The following SEC24A variants were observed in gnomAD, a reference collection of about 807,000 sequenced individuals.
SEC24A encodes SEC24 homolog A, COPII component, also known as protein transport protein Sec24A.
SEC24A carries 93 observed loss-of-function variants against 129.4 expected under a neutral mutation model. The ratio of observed to expected loss-of-function variants is 0.72; its 90% confidence interval spans 0.61 to 0.85. SEC24A has a LOEUF of 0.85. SEC24A is among the 40% of genes least tolerant of loss of function. The probability of loss-of-function intolerance (pLI) is 0.00; values close to 1 mark genes in which losing one functional copy is unlikely to be tolerated. For synonymous variants in SEC24A, 460 were observed against 467.3 expected, an observed-to-expected ratio of 0.98 and a Z score of 0.20; for missense variants, 1,264 against 1,307.4, an observed-to-expected ratio of 0.97 and a Z score of 0.51.
intron 13 of SEC24A, 95 bp downstream of exon 13, chr5:134,694,028 G>T (rs1460633253): frequency 5.0e-6 from 5 of 1,002,566 alleles, no homozygotes; most frequent in East Asian, 5.0e-5. Flanking sequence ...TTTGTCAATT[G>T]TTGGGAGGAG....
At chr5:134,662,886 T>A (rs1413063316) in intron 2 of SEC24A, among the ~76,000 whole-genome samples, 1 of 152,180 alleles carries the variant, frequency 6.6e-6, no homozygotes, top group East Asian at 1.9e-4. Context: ...TGGTCCCAGC[T>A]ACTCGGGGGG....
chr5:134,651,358 G>C (rs1220907673), intron 1 of SEC24A, among the ~76,000 whole-genome samples: 1 of 148,956 alleles, frequency 6.7e-6, no homozygotes, highest in Non-Finnish European at 1.5e-5. Context: ...ACAATGGCTC[G>C]ATCTCGGCTC....
At position 134,674,744 on chromosome 5, in the gene SEC24A, ATTAC is replaced by A. The variant is rs754889540; in HGVS notation, c.948_951del (p.Tyr317GlnfsTer12). The A allele has an allele frequency of 3.1e-6, 5 of 1,613,802 alleles. No individual in the cohort carries two copies. Among genetic ancestry groups the A allele is most frequent in the Non-Finnish European group, 4.2e-6 (5 of 1,179,878 alleles). On this transcript the variant is annotated frameshift_variant, in exon 5 of 23. Coordinates refer to ENST00000398844, the MANE Select transcript of SEC24A (RefSeq NM_021982.3). LOFTEE classifies it high-confidence loss of function. ...ACTGGAGTACCACCCTCTTCCTTGA[ATTAC>A]CCAAGTGGGCCACAAGCCTTTACTC... is the stretch of plus-strand genomic sequence containing the variant.
At chr5:134,699,475 T>G (rs1751935161) in intron 15 of SEC24A, among the ~76,000 whole-genome samples, 2 of 151,414 alleles carry the variant, frequency 1.3e-5, no homozygotes, top group Non-Finnish European at 2.9e-5. Context: ...ATTTTTTGTA[T>G]TTTTTAGTAG....
chr5:134,711,756 CTT>C (rs1357207207), intron 18 of SEC24A, among the ~76,000 whole-genome samples: 3 of 136,530 alleles, frequency 2.2e-5, no homozygotes, highest in Admixed American at 1.5e-4. Context: ...GTTTTGAACT[CTT>C]TTTTTTTGAG....
intron 10 of SEC24A, among the ~76,000 whole-genome samples, chr5:134,687,282 A>G (rs536608733): frequency 1.8e-4 from 28 of 152,332 alleles, no homozygotes; most frequent in Middle Eastern, 6.8e-3. Context: ...CTATAATACT[A>G]AAGTATTAAG....
chr5:134,706,299 C>T (rs764997616), intron 17 of SEC24A, among the ~76,000 whole-genome samples: 4 of 152,162 alleles, frequency 2.6e-5, no homozygotes, highest in Non-Finnish European at 5.9e-5. Flanking sequence ...GATTGAAAAC[C>T]AGTTTACCAC....
At chr5:134,705,937 G>A (rs561486976) in intron 17 of SEC24A, among the ~76,000 whole-genome samples, 62 of 150,786 alleles carry the variant, frequency 4.1e-4, no homozygotes, top group African/African-American at 1.4e-3. Flanking sequence ...GCCCAGGCTG[G>A]AGTGTAATGG....
chr5:134,673,181 G>A (rs944261749), intron 4 of SEC24A, among the ~76,000 whole-genome samples: 10 of 149,892 alleles, frequency 6.7e-5, no homozygotes, highest in Non-Finnish European at 1.5e-4. Context: ...TCAGCTTCCC[G>A]AGTAGCTGGG....
chr5:134,655,793 A>C (rs1360917796), intron 1 of SEC24A, among the ~76,000 whole-genome samples: 1 of 152,000 alleles, frequency 6.6e-6, no homozygotes, highest in Admixed American at 6.6e-5. Flanking sequence ...TTTTACAACA[A>C]TTGCTTTCTT....
In SEC24A at chr5:134,661,142, T is replaced by C. The variant is rs772023678; in HGVS notation, c.121T>C (p.Ser41Pro). 2.5e-6 allele frequency: 4 copies of C among 1,609,490 alleles called. No individual in the cohort carries two copies. In the South Asian group the frequency reaches 4.4e-5, roughly 18 times the overall value. The change falls in exon 2 of 23, where the codon TCT becomes CCT. Residue 41 changes from serine to proline, a missense_variant. Physicochemically the swap from Ser to Pro is moderately conservative, Grantham distance 74 (BLOSUM62 -1). Coordinates refer to ENST00000398844, the MANE Select transcript of SEC24A (RefSeq NM_021982.3). ...TNGPVQNALL[S>P]SQESVSQGYN... ...AGGTCCTGTCCAAAATGCATTGCTG[T>C]CTTCACAAGAGTCAGTGAGCCAAGG...
Position 134,710,188 on chromosome 5 carries a change from C to G in SEC24A, c.2727+1300C>G, listed in dbSNP as rs921834858. Reference sequence around the variant, plus strand: ...TGCTAGGATTACAGGCATGAGCTACCACATTACACTTCTTAATCTTCTTCT... The same window carrying G: ...TGCTAGGATTACAGGCATGAGCTACGACATTACACTTCTTAATCTTCTTCT... On this transcript the variant is annotated intron_variant, in intron 18 of 22. Coordinates refer to ENST00000398844, the MANE Select transcript of SEC24A (RefSeq NM_021982.3). Among the ~76,000 whole-genome samples the G allele has an allele frequency of 2.9e-4, 44 of 151,592 alleles. 1 individual carries two copies. The highest frequency in any genetic ancestry group is 9.2e-4 in the African/African-American group (38 of 41,362).
Position 134,666,914 on chromosome 5 carries a change from C to T in SEC24A, c.657C>T (p.Pro219=). The T allele has an allele frequency of 3.1e-6, 5 of 1,612,662 alleles. No homozygotes were observed. Among genetic ancestry groups the T allele is most frequent in the Non-Finnish European group, 3.4e-6 (4 of 1,178,702 alleles). The change falls in exon 3 of 23, where the codon CCC becomes CCT. Residue 219 remains proline (P), a synonymous_variant. Transcript: ENST00000398844. ...GGCCCCCTCCAGCTGGAGGCCCACCCCCAGTGAGGGCCCTCACGCCCCTGA... is the reference window on the plus strand; with the variant it reads ...GGCCCCCTCCAGCTGGAGGCCCACCTCCAGTGAGGGCCCTCACGCCCCTGA... ...PHGPPPAGGP[P]PVRALTPLTS... is the part of the protein sequence containing the mutation.
intron 4 of SEC24A, among the ~76,000 whole-genome samples, chr5:134,672,926 G>T (rs1750919982): frequency 1.3e-5 from 2 of 151,846 alleles, no homozygotes; most frequent in Non-Finnish European, 2.9e-5. Context: ...GTAGAGATGG[G>T]GGGGTGGGTC....
chr5:134,672,961 C>T (rs1315174224), intron 4 of SEC24A, among the ~76,000 whole-genome samples: 2 of 151,268 alleles, frequency 1.3e-5, no homozygotes, highest in Non-Finnish European at 2.9e-5. Flanking sequence ...GGGCTGGTCT[C>T]GAACCCTTGG....
intron 15 of SEC24A, among the ~76,000 whole-genome samples, chr5:134,699,104 T>G (rs1054307020): frequency 6.6e-6 from 1 of 151,548 alleles, no homozygotes; most frequent in Non-Finnish European, 1.5e-5. Context: ...TTTTTATTTT[T>G]TATTTTGTAG....
intron 17 of SEC24A, among the ~76,000 whole-genome samples, chr5:134,706,534 C>T (rs1289636115): frequency 6.6e-6 from 1 of 152,150 alleles, no homozygotes; most frequent in African/African-American, 2.4e-5. Context: ...GTGTCTTGCT[C>T]TGTCACCCAG....
At chr5:134,684,076 A>G (rs980924278) in intron 9 of SEC24A, among the ~76,000 whole-genome samples, 2 of 152,056 alleles carry the variant, frequency 1.3e-5, no homozygotes, top group Non-Finnish European at 2.9e-5. Flanking sequence ...ATGCCAAGCC[A>G]GACGGATTAT....
Position 134,662,659 on chromosome 5 carries a change from G to A in SEC24A, c.565+1073G>A, listed in dbSNP as rs545706434. 6.8e-4 allele frequency among the ~76,000 whole-genome samples: 103 copies of A among 152,238 alleles called. 1 individual carries two copies. Among genetic ancestry groups the A allele is most frequent in the Non-Finnish European group, 1.4e-3 (93 of 68,034 alleles). ...CTTTATTTTTCCAAGCCTTTGATCA[G>A]ACATTGGCCCTGGTGAATGCATTTT... On this transcript the variant is annotated intron_variant, in intron 2 of 22. Transcript: ENST00000398844.
Sources: allele counts gnomAD v4.1 joint callset (sites outside exome capture counted in the v4.1 genomes callset), GRCh38; gene constraint gnomAD v4.1.1; transcripts MANE v1.5; gene names NCBI Gene and HGNC (gene_info 2026-07-23, HGNC 2026-07-21).